The following CPA1 variants were observed in gnomAD, a reference collection of about 807,000 sequenced individuals.
CPA1 encodes the protein carboxypeptidase A1 (pancreatic).
CPA1 carries 42 observed loss-of-function variants against 48.7 expected under a neutral mutation model. The ratio of observed to expected loss-of-function variants is 0.86; its 90% CI spans 0.67 to 1.11. The LOEUF (loss-of-function observed/expected upper bound fraction) is 1.11, where lower values mean the gene tolerates loss of function less well. CPA1 is among the 50% of genes most tolerant of loss of function. CPA1 has a pLI of 0.00. For missense variants in CPA1, 477 were observed against 544.7 expected (o/e 0.88, Z 1.24); for synonymous variants, 203 against 217.9 (o/e 0.93, Z 0.60).
In CPA1 at chr7:130,383,756, G is replaced by T. The variant is rs1554411595; in HGVS notation, c.658G>T (p.Val220Phe). Residue 220 changes from valine to phenylalanine, a missense_variant, in exon 6 of 10, where the codon GTC (valine) becomes TTC (phenylalanine). By Grantham distance (50) the Val-to-Phe change is conservative. Coordinates refer to ENST00000011292, the MANE Select transcript of CPA1 (RefSeq NM_001868.4). ...CACCTTGGACATCTTCCTGGAGATC[G>T]TCACCAACCCTGATGGCTTTGCCTT... ...LDTLDIFLEI[V>F]TNPDGFAFTH... The T allele has an allele frequency of 6.2e-7, 1 of 1,614,142 alleles. No homozygotes were observed. The highest frequency in any genetic ancestry group is 8.5e-7 in the Non-Finnish European group (1 of 1,179,982).
rs1796390308 is a variant in CPA1, at chr7:130,380,524, C to CGG, written c.8_9dup (p.Leu4GlyfsTer5). 3 of 1,314,664 alleles carry CGG rather than the reference C, an allele frequency of 2.3e-6. No individual in the cohort carries two copies. The Admixed American group carries it at 9.1e-5, about 40-fold the overall frequency. The allele number at this position is 1,314,664 out of a possible 1,614,324, so 81.4% of individuals were successfully genotyped here. On this transcript the variant is annotated frameshift_variant, in exon 1 of 10. Coordinates refer to ENST00000011292, the MANE Select transcript of CPA1 (RefSeq NM_001868.4). LOFTEE classifies it high-confidence loss of function. ...GACCTTCCCTCCCGGCAGCAGCATG[C>CGG]GGGGGTTGCTGGTGTTGAGTGTCCT...
intron 3 of CPA1, 92 bp from the exon 4 acceptor site, chr7:130,382,016 C>A: frequency 8.1e-7 from 1 of 1,237,320 alleles, no homozygotes; most frequent in Non-Finnish European, 1.2e-6. Context: ...CATTGCAGGG[C>A]TCGCAGCAGG....
intron 6 of CPA1, 163 bp downstream of exon 6, chr7:130,383,957 G>A: frequency 1.6e-6 from 1 of 640,810 alleles, no homozygotes; most frequent in African/African-American, 1.8e-5. Context: ...TTGGCATTTG[G>A]GGTGAATGAT....
At chr7:130,383,337 G>C (rs1369256529) in intron 4 of CPA1, 54 bp from the exon 5 acceptor site, 5 of 1,459,928 alleles carry the variant, frequency 3.4e-6, no homozygotes, top group Non-Finnish European at 4.8e-6. Flanking sequence ...AGGGCAGCAA[G>C]ATGAGGCCTC....
rs782749933 is a variant in CPA1 at position 130,383,489 on chromosome 7, G to A, written c.582G>A (p.Lys194=). The change falls in exon 5 of 10, where the codon AAG becomes AAA. Residue 194 remains lysine (K), a synonymous_variant. Coordinates refer to ENST00000011292, the MANE Select transcript of CPA1 (RefSeq NM_001868.4). ...VTQASGVWFA[K]KITQDYGQDA... is the part of the protein sequence containing the mutation. ...AGGCCAGTGGGGTCTGGTTTGCAAA[G>A]AAGGTAAGGCCGGGGAGGTGAGGAG... 12 of 1,613,682 alleles carry A rather than the reference G, an allele frequency of 7.4e-6. No individual in the cohort carries two copies. In the Admixed American group the frequency reaches 2.0e-4, roughly 27 times the overall value.
At chr7:130,384,295 C>G in intron 6 of CPA1, 1 of 572,758 alleles carries the variant, frequency 1.7e-6, no homozygotes, top group East Asian at 2.9e-5. Context: ...TCCCCACTCT[C>G]TTTCACCCGA....
rs370058970 is a variant in CPA1 at position 130,387,944 on chromosome 7, C to T, written c.1193C>T (p.Pro398Leu). The T allele has an allele frequency of 1.1e-5, 18 of 1,614,168 alleles. No individual in the cohort carries two copies. The highest frequency in any genetic ancestry group is 1.4e-5 in the Non-Finnish European group (17 of 1,180,040). ...CTGCTGCCAGCCTCCCAGATCATCC[C>T]CACAGCCAAGGAGACGTGGCTGGCG... ...GFLLPASQII[P>L]TAKETWLALL... The change falls in exon 10 of 10, where the codon CCC becomes CTC. Residue 398 changes from proline (P) to leucine (L), a missense_variant. Transcript: ENST00000011292. The surrounding 1 kb of genome is among the most constrained non-coding windows in gnomAD (Gnocchi z 4.6).
rs1554411123 is a variant in CPA1 at position 130,381,196 on chromosome 7, A to T, written c.147+17A>T. The T allele has an allele frequency of 3.8e-6, 6 of 1,597,322 alleles. No individual in the cohort carries two copies. The highest frequency in any genetic ancestry group is 1.1e-5 in the South Asian group (1 of 90,116). On this transcript the variant is annotated intron_variant, in intron 2 of 9. Transcript: ENST00000011292. ...CACCTGCAGGTCAGAAGAGGGGAGA[A>T]GGGCTCTCTGAGGCCCCAGGGTATC...
intron 2 of CPA1, 99 bp from the exon 3 acceptor site, chr7:130,381,531 T>C: frequency 1.2e-6 from 1 of 824,930 alleles, no homozygotes; most frequent in Non-Finnish European, 2.0e-6. Context: ...TGAGAACTTC[T>C]GGCACCAACA....
chr7:130,381,868 G>C lies in CPA1; in HGVS notation c.381+5G>C. 1 of 1,612,096 alleles carries C rather than the reference G, an allele frequency of 6.2e-7. No individual in the cohort carries two copies. Among genetic ancestry groups the C allele is most frequent in the Non-Finnish European group, 8.5e-7 (1 of 1,179,086 alleles). ...ACCTACCACACCCTGGAGGAGGTGA[G>C]GGCGCCCCTAGCGGCCGCTCCCTGC... On this transcript the variant is annotated splice_donor_5th_base_variant and intron_variant, in intron 3 of 9. Transcript: ENST00000011292.
intron 4 of CPA1, 49 bp downstream of exon 4, chr7:130,382,258 G>A: frequency 6.9e-7 from 1 of 1,454,536 alleles, no homozygotes; most frequent in Non-Finnish European, 9.6e-7. Context: ...CCCACACGTG[G>A]CATCCGTGAT....
rs782190459 is a variant in CPA1 at position 130,383,434 on chromosome 7, C to T, written c.527C>T (p.Thr176Met). The change falls in exon 5 of 10, where the codon ACG becomes ATG. Residue 176 changes from threonine to methionine, a missense_variant. Coordinates refer to ENST00000011292, the MANE Select transcript of CPA1 (RefSeq NM_001868.4). ...AAGCGTCCAGCCATCTGGATCGACA[C>T]GGGCATCCATTCCCGGGAGTGGGTC... ...GSKRPAIWID[T>M]GIHSREWVTQ... The T allele has an allele frequency of 1.9e-5, 30 of 1,614,060 alleles. No homozygotes were observed. The highest frequency in any genetic ancestry group is 8.9e-5 in the East Asian group (4 of 44,884).
rs1378007993 is a variant in CPA1, at chr7:130,380,560, G to C, written c.40G>C (p.Val14Leu). The C allele has an allele frequency of 2.3e-6, 3 of 1,317,326 alleles. No homozygotes were observed. The highest frequency in any genetic ancestry group is 3.0e-5 in the African/African-American group (2 of 66,432). The allele number at this position is 1,317,326 out of a possible 1,614,324, so 81.6% of individuals were successfully genotyped here. The change falls in exon 1 of 10, where the codon GTC becomes CTC. Residue 14 changes from valine (V) to leucine (L), a missense_variant. Coordinates refer to ENST00000011292, the MANE Select transcript of CPA1 (RefSeq NM_001868.4). ...LLVLSVLLGA[V>L]FGKEDFVGHQ... ...GGTGTTGAGTGTCCTGTTGGGGGCT[G>C]TCTTTGGCAAGGAGGACTTTGTGGG...
intron 4 of CPA1, among the ~76,000 whole-genome samples, chr7:130,382,427 T>G (rs1295774802): frequency 1.3e-5 from 2 of 152,134 alleles, no homozygotes; most frequent in African/African-American, 2.4e-5. Flanking sequence ...TCCAATCAAG[T>G]GTCCATTGTG....
rs782178812 is a variant in CPA1 at position 130,384,565 on chromosome 7, C to T, written c.726C>T (p.His242=). The T allele has an allele frequency of 2.4e-5, 39 of 1,614,120 alleles. No homozygotes were observed. The Admixed American group carries it at 6.5e-4, about 27-fold the overall frequency. The change falls in exon 7 of 10, where the codon CAC becomes CAT. Residue 242 remains histidine, a synonymous_variant. Coordinates refer to ENST00000011292, the MANE Select transcript of CPA1 (RefSeq NM_001868.4). ...TNRMWRKTRS[H]TAGSLCIGVD... Reference sequence around the variant, plus strand: ...GCATGTGGCGCAAGACTCGGTCCCACACAGCAGGCTCCCTCTGTATTGGCG... The same window carrying T: ...GCATGTGGCGCAAGACTCGGTCCCATACAGCAGGCTCCCTCTGTATTGGCG...
Position 130,383,618 on chromosome 7 carries a change from C to T in CPA1, c.586-66C>T, listed in dbSNP as rs1796434676. The T allele has an allele frequency of 1.7e-5, 24 of 1,432,894 alleles. No individual in the cohort carries two copies. In the South Asian group the frequency reaches 2.5e-4, roughly 15 times the overall value. 88.8% of individuals were successfully genotyped at this position (1,432,894 alleles called of 1,614,324 possible). A position where few individuals can be genotyped will look rare whatever the true frequency, so the allele number is the denominator to read the frequency against. ...CACAGAGGACATGGGGAAAGGTGTC[C>T]ATTGCTGTGGCTTGGCAGATGCCTG... On this transcript the variant is annotated intron_variant, in intron 5 of 9. Coordinates refer to ENST00000011292, the MANE Select transcript of CPA1 (RefSeq NM_001868.4).
Position 130,383,346 on chromosome 7 carries a change from T to A in CPA1, c.484-45T>A, listed in dbSNP as rs782426515. The A allele has an allele frequency of 3.3e-6, 5 of 1,531,588 alleles. No homozygotes were observed. The South Asian group carries it at 5.7e-5, about 17-fold the overall frequency. 94.9% of individuals were successfully genotyped at this position (1,531,588 alleles called of 1,614,324 possible). A position where few individuals can be genotyped will look rare whatever the true frequency, so the allele number is the denominator to read the frequency against. On this transcript the variant is annotated intron_variant, in intron 4 of 9. Transcript: ENST00000011292. ...TCCTTCAGGGCAGCAAGATGAGGCC[T>A]CAGCTGTGAAATTGCCTCTGATCAC...
rs951727468 is a variant in CPA1, at chr7:130,385,811, A to T, written c.988-28A>T. ...GCTGTTCCAGGAGCCTGGCCATGAC[A>T]GGTGGCTTTGCTTGGTGTTTTGTCC... On this transcript the variant is annotated intron_variant, in intron 8 of 9. Transcript: ENST00000011292. The T allele has an allele frequency of 4.4e-6, 7 of 1,599,650 alleles. No individual in the cohort carries two copies. In the African/African-American group the frequency reaches 6.7e-5, roughly 15 times the overall value.
In CPA1 at chr7:130,387,799, C is replaced by A; in HGVS notation, c.1073-25C>A. 1 of 1,606,172 alleles carries A rather than the reference C, an allele frequency of 6.2e-7. No individual in the cohort carries two copies. The highest frequency in any genetic ancestry group is 8.5e-7 in the Non-Finnish European group (1 of 1,174,088). On this transcript the variant is annotated intron_variant, in intron 9 of 9. Transcript: ENST00000011292. This position sits in a 1 kb window ranked among gnomAD's most constrained non-coding sequence, Gnocchi z 4.6. ...ATATTCCCAAAGTGATTGACCCTTT[C>A]TCTCCTATTTTACTCCTGCCCCAGA...
Sources: gnomAD v4.1 joint callset for allele counts (sites outside exome capture counted in the v4.1 genomes callset) on GRCh38, gnomAD v4.1.1 for gene constraint, Gnocchi (gnomAD v3.1) non-coding constraint, MANE v1.5 for transcripts, NCBI Gene and HGNC (gene_info 2026-07-23, HGNC 2026-07-21) for gene names.